Variants in PTK2B observed in about 807,000 individuals in gnomAD.
The protein encoded by PTK2B is protein tyrosine kinase 2 beta.
Under a neutral mutation model 142.9 loss-of-function variants are expected in PTK2B, and 71 were observed. The observed-to-expected ratio is 0.50, with a 90% CI of 0.41 to 0.61. The LOEUF (loss-of-function observed/expected upper bound fraction) is 0.61, where lower values mean the gene tolerates loss of function less well. PTK2B is among the 20% of genes least tolerant of loss of function. The pLI, the probability that PTK2B is intolerant of heterozygous loss-of-function variation, is 0.00. For missense variants in PTK2B, 1,105 were observed against 1,320.4 expected (o/e 0.84, Z 2.53); for synonymous variants, 519 against 503.4 (o/e 1.03, Z -0.42).
At chr8:27,414,266 A>C (rs952046072) in intron 2 of PTK2B, among the ~76,000 whole-genome samples, 14 of 145,644 alleles carry the variant, frequency 9.6e-5, no homozygotes, top group African/African-American at 3.6e-4. Context: ...TTTTTTTTTG[A>C]GACAGTCTCA....
chr8:27,365,528 T>C (rs550057798), intron 1 of PTK2B, among the ~76,000 whole-genome samples: 6 of 152,318 alleles, frequency 3.9e-5, no homozygotes, highest in African/African-American at 1.4e-4. Flanking sequence ...CAGTGTGGTG[T>C]ACTGGTAAAG....
intron 5 of PTK2B, among the ~76,000 whole-genome samples, chr8:27,427,286 C>G (rs1323504939): frequency 6.6e-6 from 1 of 152,204 alleles, no homozygotes; most frequent in East Asian, 1.9e-4. Flanking sequence ...GCCTAAGGGT[C>G]TCTTCATCTT....
At chr8:27,331,864 C>T (rs1803772306) in intron 1 of PTK2B, among the ~76,000 whole-genome samples, 1 of 152,154 alleles carries the variant, frequency 6.6e-6, no homozygotes, top group South Asian at 2.1e-4. Context: ...ACCTCAAGTG[C>T]TTTTCTATGT....
chr8:27,455,290 G>A (rs984889733), intron 30 of PTK2B, among the ~76,000 whole-genome samples: 2 of 152,108 alleles, frequency 1.3e-5, no homozygotes, highest in African/African-American at 2.4e-5. Flanking sequence ...CTGGCTGGGT[G>A]TGGAAACTCA....
In PTK2B at chr8:27,397,663, G is replaced by T. The variant is rs775087514; in HGVS notation, c.79G>T (p.Val27Leu). 6.2e-7 allele frequency: 1 copy of T among 1,614,198 alleles called. No homozygotes were observed. Among genetic ancestry groups the T allele is most frequent in the Non-Finnish European group, 8.5e-7 (1 of 1,179,976 alleles). ...GCCTGAAGGCCCTGCAGAGCCCATG[G>T]TGGTGGTACCAGTAGATGTGGAAAA... is the stretch of plus-strand genomic sequence containing the variant. ...RRPEGPAEPM[V>L]VVPVDVEKED... The change falls in exon 2 of 31, where the codon GTG becomes TTG. Residue 27 changes from valine (V) to leucine (L), a missense_variant. Physicochemically the swap from Val to Leu is conservative, Grantham distance 32. Coordinates refer to ENST00000346049, the MANE Select transcript of PTK2B (RefSeq NM_173176.3).
chr8:27,439,740 G>T (rs1811038751), intron 20 of PTK2B, among the ~76,000 whole-genome samples: 1 of 152,132 alleles, frequency 6.6e-6, no homozygotes, highest in African/African-American at 2.4e-5. Context: ...CAGGTGTAGA[G>T]AGACAGCCCC....
At chr8:27,432,767 G>GTAGAGCGTT (rs1563282753) in intron 10 of PTK2B, among the ~76,000 whole-genome samples, 6 of 151,454 alleles carry the variant, frequency 4.0e-5, no homozygotes, top group Admixed American at 2.6e-4. Context: ...ACCTCAGGCT[G>GTAGAGCGTT]CATCTCTCTC....
At chr8:27,329,197 A>C (rs1803590726) in intron 1 of PTK2B, among the ~76,000 whole-genome samples, 1 of 152,056 alleles carries the variant, frequency 6.6e-6, no homozygotes, top group Non-Finnish European at 1.5e-5. Context: ...CAGCCTCCCA[A>C]AGTGCTAGGA....
At chr8:27,457,699 G>A (rs765023486) in intron 30 of PTK2B, among the ~76,000 whole-genome samples, 4 of 152,186 alleles carry the variant, frequency 2.6e-5, no homozygotes, top group Non-Finnish European at 4.4e-5. Context: ...GGATGGCTGG[G>A]TGTGGTGGCT....
upstream of PTK2B, chr8:27,310,674 C>T: frequency 3.6e-6 from 4 of 1,112,364 alleles, no homozygotes; most frequent in Non-Finnish European, 3.8e-6. Context: ...GAGGTGGGGT[C>T]CTGCATGCTG....
Position 27,451,467 on chromosome 8 carries a change from CTT to C in PTK2B, c.2524-16_2524-15del. On this transcript the variant is annotated splice_polypyrimidine_tract_variant and intron_variant, in intron 26 of 30. Transcript: ENST00000346049. The stretch of plus-strand genomic sequence containing the variant: ...GCCGCATGAGTGACGTTCCTGTTCT[CTT>C]TCCTCCTTCCTCCAGACGCCAGAGA... The C allele has an allele frequency of 6.2e-7, 1 of 1,613,962 alleles. No individual in the cohort carries two copies. The highest frequency in any genetic ancestry group is 8.5e-7 in the Non-Finnish European group (1 of 1,180,002).
At position 27,444,199 on chromosome 8, in the gene PTK2B, T is replaced by C; in HGVS notation, c.2149-7T>C. 6.2e-7 allele frequency: 1 copy of C among 1,611,686 alleles called. No individual in the cohort carries two copies. Among genetic ancestry groups the C allele is most frequent in the Non-Finnish European group, 8.5e-7 (1 of 1,177,886 alleles). ...CAGAGACTGACCCATCTGTGTTCTC[T>C]CTCCAGCCCAGCCGACCTAAGTACA... On this transcript the variant is annotated splice_region_variant and splice_polypyrimidine_tract_variant and intron_variant, in intron 22 of 30. Coordinates refer to ENST00000346049, the MANE Select transcript of PTK2B (RefSeq NM_173176.3).
At chr8:27,328,973 T>G (rs1803576807) in intron 1 of PTK2B, among the ~76,000 whole-genome samples, 1 of 151,646 alleles carries the variant, frequency 6.6e-6, no homozygotes, top group African/African-American at 2.4e-5. Context: ...AGTCTCACTC[T>G]GTTGCCCAGG....
chr8:27,441,572 G>A (rs572467538), intron 21 of PTK2B, among the ~76,000 whole-genome samples: 2 of 152,298 alleles, frequency 1.3e-5, no homozygotes, highest in East Asian at 1.9e-4. Flanking sequence ...GCAATGCCCA[G>A]GCCAGGGGCA....
In PTK2B at chr8:27,451,502, C is replaced by T. The variant is rs760134490; in HGVS notation, c.2541C>T (p.Val847=). 15 of 1,614,014 alleles carry T rather than the reference C, an allele frequency of 9.3e-6. No individual in the cohort carries two copies. Among genetic ancestry groups the T allele is most frequent in the South Asian group, 5.5e-5 (5 of 91,060 alleles). ...DKSPLTPEKE[V]GYLEFTGPPQ... is the part of the protein sequence containing the mutation. The stretch of plus-strand genomic sequence containing the variant: ...TCCTCCAGACGCCAGAGAAGGAGGT[C>T]GGCTACCGTGAGTGTTCCCGCCCTT... The change falls in exon 27 of 31, where the codon GTC becomes GTT. Residue 847 remains valine (V), a synonymous_variant. Coordinates refer to ENST00000346049, the MANE Select transcript of PTK2B (RefSeq NM_173176.3).
chr8:27,395,127 G>A (rs1280450396), intron 1 of PTK2B, among the ~76,000 whole-genome samples: 1 of 152,098 alleles, frequency 6.6e-6, no homozygotes, highest in Non-Finnish European at 1.5e-5. Flanking sequence ...TATAGTAGAG[G>A]AAGTACATAA....
intron 1 of PTK2B, among the ~76,000 whole-genome samples, chr8:27,352,558 G>A (rs1025900338): frequency 6.6e-6 from 1 of 152,146 alleles, no homozygotes; most frequent in African/African-American, 2.4e-5. Flanking sequence ...CACTTATTTG[G>A]ATACACATTA....
In PTK2B at chr8:27,408,391, C is replaced by T. The variant is rs561024430; in HGVS notation, c.204+10603C>T. Among the ~76,000 whole-genome samples the T allele has an allele frequency of 4.6e-5, 7 of 152,330 alleles. No homozygotes were observed. In the South Asian group the frequency reaches 1.2e-3, roughly 27 times the overall value. Reference sequence around the variant, plus strand: ...GCCCAGAAGAATCTAGACAGACAGGCCTGTCTGGGTTTCCCCACTCAGCCT... The same window carrying T: ...GCCCAGAAGAATCTAGACAGACAGGTCTGTCTGGGTTTCCCCACTCAGCCT... On this transcript the variant is annotated intron_variant, in intron 2 of 30. Transcript: ENST00000346049.
chr8:27,325,165 G>A (rs961154583), upstream of PTK2B, among the ~76,000 whole-genome samples: 20 of 152,302 alleles, frequency 1.3e-4, no homozygotes, highest in African/African-American at 4.1e-4. Flanking sequence ...TCCCACTGCG[G>A]GGGGTCTTGG....
Sources: allele counts gnomAD v4.1 joint callset (sites outside exome capture counted in the v4.1 genomes callset), GRCh38; gene constraint gnomAD v4.1.1; transcripts MANE v1.5; gene names NCBI Gene and HGNC (gene_info 2026-07-23, HGNC 2026-07-21).